The following MACC1 variants were observed in gnomAD, a reference collection of about 807,000 sequenced individuals.
The protein encoded by MACC1 is metastasis-associated in colon cancer protein 1.
In MACC1, 79 loss-of-function variants were observed where a neutral mutation model predicts 70.7. The ratio of observed to expected loss-of-function variants is 1.12; its 90% CI spans 0.93 to 1.35. The LOEUF (loss-of-function observed/expected upper bound fraction) is 1.35, where lower values mean the gene tolerates loss of function less well. Ranked by LOEUF, MACC1 falls within the 40% of genes most tolerant of loss-of-function variation. The pLI is 0.00. For synonymous variants in MACC1, 361 were observed against 347.2 expected, an observed-to-expected ratio of 1.04 and a Z score of -0.44; for missense variants, 1,106 against 978.1, an observed-to-expected ratio of 1.13 and a Z score of -1.74.
chr7:20,144,720 G>A (rs1287569165), intron 6 of MACC1, among the ~76,000 whole-genome samples: 2 of 152,116 alleles, frequency 1.3e-5, no homozygotes, highest in African/African-American at 2.4e-5. Context: ...ATTACAGTTG[G>A]AATGAGGAGA....
intron 3 of MACC1, among the ~76,000 whole-genome samples, chr7:20,163,133 C>G (rs1782161931): frequency 6.6e-6 from 1 of 152,028 alleles, no homozygotes; most frequent in Admixed American, 6.6e-5. Context: ...ATGAACATTT[C>G]TCAAAAAATG....
At chr7:20,199,839 A>G (rs1782806870) in intron 1 of MACC1, among the ~76,000 whole-genome samples, 1 of 152,230 alleles carries the variant, frequency 6.6e-6, no homozygotes, top group African/African-American at 2.4e-5. Flanking sequence ...TATCTTAAAA[A>G]TAAATTTAAA....
Position 20,173,986 on chromosome 7 carries a change from T to G in MACC1, c.-217-3208A>C, listed in dbSNP as rs538430412. On this transcript the variant is annotated intron_variant, in intron 1 of 6. Transcript: ENST00000400331. The stretch of plus-strand genomic sequence containing the variant: ...ATTCATAAAAATTGGTTTGGGTGTA[T>G]GGTTTCAAAGAAGTAGGTAAGTTCA... Among the ~76,000 whole-genome samples the G allele has an allele frequency of 9.8e-5, 15 of 152,308 alleles. No homozygotes were observed. In the South Asian group the frequency reaches 2.3e-3, roughly 23 times the overall value.
At chr7:20,177,722 TG>T (rs149791073) in intron 1 of MACC1, among the ~76,000 whole-genome samples, 63,509 of 126,348 alleles carry the variant, frequency 0.5, 15,169 homozygotes, top group East Asian at 0.82. Context: ...CTGCCTTTGT[TG>T]TTTTTTTTTT....
At chr7:20,153,558 G>A (rs1045639864) in intron 6 of MACC1, 1 of 152,118 alleles carries the variant, frequency 6.6e-6, no homozygotes, top group Non-Finnish European at 1.5e-5. Context: ...AGAAAAATAT[G>A]TGTTTAACTT....
intron 6 of MACC1, among the ~76,000 whole-genome samples, chr7:20,146,022 G>A (rs559969765): frequency 6.6e-6 from 1 of 152,006 alleles, no homozygotes; most frequent in East Asian, 1.9e-4. Context: ...TTAGTGAGGC[G>A]TGGTGGCACG....
chr7:20,201,123 G>A (rs1242664505), intron 1 of MACC1, among the ~76,000 whole-genome samples: 1 of 152,188 alleles, frequency 6.6e-6, no homozygotes, highest in Non-Finnish European at 1.5e-5. Context: ...GTGAATGAGA[G>A]CTGGTCACAC....
intron 1 of MACC1, among the ~76,000 whole-genome samples, chr7:20,182,196 TG>T (rs1782520162): frequency 2.1e-5 from 1 of 47,112 alleles, no homozygotes; most frequent in African/African-American, 7.6e-5. Context: ...TGTTGTGGGG[TG>T]GGGGGAGGGT....
chr7:20,187,048 T>C (rs1389351106), intron 1 of MACC1, among the ~76,000 whole-genome samples: 1 of 152,194 alleles, frequency 6.6e-6, no homozygotes, highest in African/African-American at 2.4e-5. Flanking sequence ...CAACTCACAA[T>C]TTTTTGAATT....
intron 5 of MACC1, among the ~76,000 whole-genome samples, chr7:20,157,648 G>T (rs1782074044): frequency 6.6e-6 from 1 of 150,468 alleles, no homozygotes; most frequent in Non-Finnish European, 1.5e-5. Flanking sequence ...ACCCAGGCAT[G>T]GCGGCACATG....
At chr7:20,149,906 A>G (rs1311695872) in intron 6 of MACC1, among the ~76,000 whole-genome samples, 1 of 152,226 alleles carries the variant, frequency 6.6e-6, no homozygotes, top group East Asian at 1.9e-4. Flanking sequence ...ATATAAGACA[A>G]CGTGAATTCA....
intron 1 of MACC1, among the ~76,000 whole-genome samples, chr7:20,189,087 CT>C (rs1234196758): frequency 1.3e-5 from 2 of 152,164 alleles, no homozygotes; most frequent in Non-Finnish European, 2.9e-5. Flanking sequence ...CAAAAACACT[CT>C]TTCCCCTGAT....
intron 1 of MACC1, among the ~76,000 whole-genome samples, chr7:20,171,483 T>C (rs1303045413): frequency 1.3e-5 from 2 of 152,064 alleles, no homozygotes; most frequent in African/African-American, 4.8e-5. Context: ...CTCGATCTCC[T>C]GACCTTGTGA....
At chr7:20,168,563 G>T (rs868633781) in intron 2 of MACC1, among the ~76,000 whole-genome samples, 6 of 152,212 alleles carry the variant, frequency 3.9e-5, no homozygotes, top group African/African-American at 9.6e-5. Context: ...ACTGGGGACA[G>T]TATCCTCGGT....
At chr7:20,160,286 T>C in intron 4 of MACC1, 41 bp from the exon 5 acceptor site, 4 of 1,505,156 alleles carry the variant, frequency 2.7e-6, no homozygotes, top group Non-Finnish European at 2.6e-6. Context: ...AAAGATAAGG[T>C]GGCACTGTGA....
At chr7:20,163,434 C>G (rs938138413) in intron 3 of MACC1, among the ~76,000 whole-genome samples, 20 of 152,228 alleles carry the variant, frequency 1.3e-4, no homozygotes, top group African/African-American at 3.9e-4. Context: ...TTAGTGAAAA[C>G]TCTGCAGATG....
intron 1 of MACC1, among the ~76,000 whole-genome samples, chr7:20,173,907 A>C (rs535984121): frequency 6.6e-6 from 1 of 152,306 alleles, no homozygotes; most frequent in South Asian, 2.1e-4. Flanking sequence ...GCGTCACATG[A>C]GTATGTTCAT....
chr7:20,208,524 AGATCTGTG>A (rs1782947973), intron 1 of MACC1, among the ~76,000 whole-genome samples: 1 of 152,208 alleles, frequency 6.6e-6, no homozygotes. Context: ...ACTGACCTAG[AGATCTGTG>A]GAACTTTGAA....
At chr7:20,187,102 G>C (rs1245101030) in intron 1 of MACC1, among the ~76,000 whole-genome samples, 1 of 152,250 alleles carries the variant, frequency 6.6e-6, no homozygotes, top group East Asian at 1.9e-4. Context: ...AAGTGAAGAA[G>C]CACCTGCATT....
Sources: gnomAD v4.1 joint callset for allele counts (sites outside exome capture counted in the v4.1 genomes callset) on GRCh38, gnomAD v4.1.1 for gene constraint, MANE v1.5 for transcripts, NCBI Gene and HGNC (gene_info 2026-07-23, HGNC 2026-07-21) for gene names.